Variants in BNC1 observed in about 807,000 individuals in gnomAD.
The protein encoded by BNC1 is basonuclin zinc finger protein 1, also known as zinc finger protein basonuclin-1.
BNC1 carries 8 observed loss-of-function variants against 66.5 expected under a neutral mutation model. The observed-to-expected ratio is 0.12, with a 90% CI of 0.07 to 0.22. The LOEUF (loss-of-function observed/expected upper bound fraction) is 0.22, where lower values mean the gene tolerates loss of function less well. Among genes scored for constraint, BNC1 ranks in the 10% least tolerant of loss-of-function variants. BNC1 has a pLI of 1.00. For synonymous variants in BNC1, 454 were observed against 452.6 expected, an observed-to-expected ratio of 1.00 and a Z score of -0.04; for missense variants, 1,069 against 1,241.3, an observed-to-expected ratio of 0.86 and a Z score of 2.09.
At chr15:83,265,117 A>C (rs1195512199) in intron 3 of BNC1, among the ~76,000 whole-genome samples, 1 of 152,226 alleles carries the variant, frequency 6.6e-6, no homozygotes, top group Non-Finnish European at 1.5e-5. Flanking sequence ...TTTCAGACCA[A>C]TTGCTTGTCT....
Position 83,257,757 on chromosome 15 carries a change from A to G in BNC1, c.2670T>C (p.Ser890=), listed in dbSNP as rs1464952004. 6.2e-7 allele frequency: 1 copy of G among 1,614,118 alleles called. No homozygotes were observed. The highest frequency in any genetic ancestry group is 2.2e-5 in the East Asian group (1 of 44,878). The change falls in exon 5 of 5, where the codon AGT becomes AGC. Residue 890 remains serine, a synonymous_variant. Coordinates refer to ENST00000345382, the MANE Select transcript of BNC1 (RefSeq NM_001717.4). Reference sequence around the variant, plus strand: ...GGCTCGACCCTTCACAGTTCCCATCACTGTCCTCCATAAGCACAGTGCCTT... The same window carrying G: ...GGCTCGACCCTTCACAGTTCCCATCGCTGTCCTCCATAAGCACAGTGCCTT... ...SEEGTVLMED[S]DGNCEGSSLV... is the part of the protein sequence containing the mutation.
intron 3 of BNC1, 120 bp from the exon 4 acceptor site, chr15:83,264,935 G>T: frequency 9.7e-7 from 1 of 1,028,126 alleles, no homozygotes. Flanking sequence ...GATGAATGCA[G>T]GGCTTTGGGG....
Position 83,263,288 on chromosome 15 carries a change from C to T in BNC1, c.1963G>A (p.Glu655Lys). The T allele has an allele frequency of 6.2e-7, 1 of 1,614,232 alleles. No individual in the cohort carries two copies. Among genetic ancestry groups the T allele is most frequent in the Non-Finnish European group, 8.5e-7 (1 of 1,180,034 alleles). The change falls in exon 4 of 5, where the codon GAA (glutamate) becomes AAA (lysine). Residue 655 changes from glutamate to lysine, a missense_variant. Glu to Lys is a moderately conservative substitution (Grantham distance 56, BLOSUM62 1). Around this residue, in one of 7 missense-constraint regions of BNC1, gnomAD observed 657 missense variants for 715.8 expected, o/e 0.92. Transcript: ENST00000345382. Reference sequence around the variant, plus strand: ...TCCATCCCAGGTGTGAAGTAGTGTTCATGGCCACCATCCTCGACCTCCCTT... The same window carrying T: ...TCCATCCCAGGTGTGAAGTAGTGTTTATGGCCACCATCCTCGACCTCCCTT... ...VPREVEDGGH[E>K]HYFTPGMEPQ...
At chr15:83,279,801 TA>T (rs2038360714) in intron 1 of BNC1, among the ~76,000 whole-genome samples, 1 of 151,982 alleles carries the variant, frequency 6.6e-6, no homozygotes, top group Non-Finnish European at 1.5e-5. Flanking sequence ...AACACAACAC[TA>T]AAGGAGAATG....
rs2038074353 is a variant in BNC1 at position 83,256,422 on chromosome 15, A to G, written c.*1020T>C. ...ACTTTTTTTCCTACCAAGTAAATTC[A>G]AAAGTTCATCCTAATCTTATACGTT... On this transcript the variant is annotated 3_prime_UTR_variant, in exon 5 of 5. Coordinates refer to ENST00000345382, the MANE Select transcript of BNC1 (RefSeq NM_001717.4). 2 of 152,682 alleles carry G rather than the reference A, an allele frequency of 1.3e-5. No individual in the cohort carries two copies. The highest frequency in any genetic ancestry group is 4.8e-5 in the African/African-American group (2 of 41,468). 9.5% of individuals were successfully genotyped at this position (152,682 alleles called of 1,614,324 possible). A position where few individuals can be genotyped will look rare whatever the true frequency, so the allele number is the denominator to read the frequency against.
intron 1 of BNC1, among the ~76,000 whole-genome samples, chr15:83,269,735 A>C (rs1439154517): frequency 6.6e-6 from 1 of 152,228 alleles, no homozygotes. Flanking sequence ...TTGTATACCC[A>C]AAATAACCAA....
intron 1 of BNC1, among the ~76,000 whole-genome samples, chr15:83,271,184 G>C (rs1024907734): frequency 5.3e-5 from 8 of 152,296 alleles, no homozygotes; most frequent in African/African-American, 1.9e-4. Flanking sequence ...GCTGAGACAG[G>C]AGAATCGCTT....
In BNC1 at chr15:83,258,238, C is replaced by T. The variant is rs904173925; in HGVS notation, c.2301-112G>A. 5.9e-5 allele frequency: 67 copies of T among 1,128,950 alleles called. No homozygotes were observed. The Middle Eastern group carries it at 7.0e-4, about 12-fold the overall frequency. The allele number at this position is 1,128,950 out of a possible 1,614,324, so 69.9% of individuals were successfully genotyped here. A position where few individuals can be genotyped will look rare whatever the true frequency, so the allele number is the denominator to read the frequency against. On this transcript the variant is annotated intron_variant, in intron 4 of 4. Transcript: ENST00000345382. ...GGAAAAACATGTGGTATGGGAGCAC[C>T]GATGATAAGGGGGTAGGCCCCCATG... is the stretch of plus-strand genomic sequence containing the variant.
chr15:83,274,825 T>C (rs1189710869), intron 1 of BNC1, among the ~76,000 whole-genome samples: 6 of 152,198 alleles, frequency 3.9e-5, no homozygotes, highest in African/African-American at 1.4e-4. Flanking sequence ...ATTTTATAGA[T>C]GAGGAAGGTA....
chr15:83,262,911 C>A, intron 4 of BNC1, 40 bp downstream of exon 4: 1 of 1,539,390 alleles, frequency 6.5e-7, no homozygotes, highest in South Asian at 1.3e-5. Context: ...ACTTGAAGAG[C>A]CACTGCCTTA....
At position 83,256,519 on chromosome 15, in the gene BNC1, A is replaced by G. The variant is rs1247796171; in HGVS notation, c.*923T>C. The stretch of plus-strand genomic sequence containing the variant: ...AACAACCATCAGAACCACATTATCT[A>G]CGGCAGAATATGTACAAATGTTCCT... On this transcript the variant is annotated 3_prime_UTR_variant, in exon 5 of 5. Coordinates refer to ENST00000345382, the MANE Select transcript of BNC1 (RefSeq NM_001717.4). 2.6e-5 allele frequency: 4 copies of G among 152,510 alleles called. No homozygotes were observed. The highest frequency in any genetic ancestry group is 9.6e-5 in the African/African-American group (4 of 41,460). The allele number at this position is 152,510 out of a possible 1,614,324, so 9.4% of individuals were successfully genotyped here.
intron 1 of BNC1, among the ~76,000 whole-genome samples, chr15:83,276,649 T>C (rs1473080319): frequency 6.6e-6 from 1 of 152,218 alleles, no homozygotes; most frequent in East Asian, 1.9e-4. Context: ...ATGACTCTAC[T>C]GTAAGACCTG....
At chr15:83,282,687 T>C (rs868374989) in intron 1 of BNC1, among the ~76,000 whole-genome samples, 12 of 152,224 alleles carry the variant, frequency 7.9e-5, no homozygotes, top group Admixed American at 1.3e-4. Context: ...AGAGATCCCA[T>C]AAAATCGAAT....
intron 1 of BNC1, 52 bp downstream of exon 1, chr15:83,284,478 G>T: frequency 9.0e-7 from 1 of 1,117,298 alleles, no homozygotes; most frequent in South Asian, 2.5e-5. Context: ...GTCCCGGGCC[G>T]CCTGCTCCGC....
chr15:83,266,854 G>A lies in BNC1; in HGVS notation c.417C>T (p.Ile139=). The A allele has an allele frequency of 1.2e-6, 2 of 1,613,960 alleles. No individual in the cohort carries two copies. Among genetic ancestry groups the A allele is most frequent in the Non-Finnish European group, 1.7e-6 (2 of 1,179,816 alleles). ...HALDWTLQDY[I]RGYVLQDASG... ...ACTGTACCTGCAGTACGTATCCACG[G>A]ATATAATCCTGAAGTGTCCAGTCCA... Residue 139 remains isoleucine (I), a synonymous_variant, in exon 3 of 5, where the codon ATC becomes ATT. Coordinates refer to ENST00000345382, the MANE Select transcript of BNC1 (RefSeq NM_001717.4).
chr15:83,267,770 C>T (rs1406013370), intron 2 of BNC1, among the ~76,000 whole-genome samples: 1 of 152,056 alleles, frequency 6.6e-6, no homozygotes, highest in Non-Finnish European at 1.5e-5. Flanking sequence ...TTGGGATATA[C>T]CTAGGCTAAA....
rs947886733 is a variant in BNC1, at chr15:83,264,741, G to A, written c.510C>T (p.Phe170=). 1.2e-6 allele frequency: 2 copies of A among 1,614,154 alleles called. No individual in the cohort carries two copies. Among genetic ancestry groups the A allele is most frequent in the Non-Finnish European group, 1.7e-6 (2 of 1,180,020 alleles). The stretch of plus-strand genomic sequence containing the variant: ...TAGATTTGGTCTCTCCAAAACGAAG[G>A]AACTGCTGCAAGGTGGCCACTTCTT... ...SEEEVATLQQ[F]LRFGETKSIV... is the part of the protein sequence containing the mutation. Residue 170 remains phenylalanine, a synonymous_variant, in exon 4 of 5, where the codon TTC becomes TTT. Coordinates refer to ENST00000345382, the MANE Select transcript of BNC1 (RefSeq NM_001717.4).
At chr15:83,269,733 C>A (rs1036909110) in intron 1 of BNC1, among the ~76,000 whole-genome samples, 4 of 151,892 alleles carry the variant, frequency 2.6e-5, no homozygotes, top group African/African-American at 9.7e-5. Flanking sequence ...AGTTGTATAC[C>A]CAAAATAACC....
rs558962379 is a variant in BNC1 at position 83,278,617 on chromosome 15, G to A, written c.99+5913C>T. On this transcript the variant is annotated intron_variant, in intron 1 of 4. Transcript: ENST00000345382. ...CTTTGCTATATAACCTGTATTTCAG[G>A]GTAAAAAAATCATTGATGAGACAAA... 2.0e-5 allele frequency among the ~76,000 whole-genome samples: 3 copies of A among 152,044 alleles called. No individual in the cohort carries two copies. The South Asian group carries it at 6.3e-4, about 32-fold the overall frequency.
Sources: allele counts gnomAD v4.1 joint callset (sites outside exome capture counted in the v4.1 genomes callset), GRCh38; gene constraint gnomAD v4.1.1; regional missense constraint gnomAD v4.1.1; transcripts MANE v1.5; gene names NCBI Gene and HGNC (gene_info 2026-07-23, HGNC 2026-07-21).